PTPRD: variants seen among roughly 807,000 people sequenced by gnomAD.
PTPRD encodes protein tyrosine phosphatase receptor type D.
A neutral mutation model predicts 214.5 loss-of-function variants in PTPRD; 34 were observed. The ratio of observed to expected loss-of-function variants is 0.16; its 90% CI spans 0.12 to 0.21. The LOEUF (loss-of-function observed/expected upper bound fraction) is 0.21. PTPRD is among the 10% of genes least tolerant of loss of function. PTPRD has a pLI of 1.00. For missense variants in PTPRD, 2,545 were observed against 2,398.7 expected, an observed-to-expected ratio of 1.06 and a Z score of -1.27; for synonymous variants, 1,128 against 845.7, an observed-to-expected ratio of 1.33 and a Z score of -5.79.
intron 3 of PTPRD, among the ~76,000 whole-genome samples, chr9:10,109,100 G>C (rs1249605236): frequency 6.6e-6 from 1 of 152,118 alleles, no homozygotes. Flanking sequence ...ATGTGAACAT[G>C]TTGCCATATT....
chr9:9,385,305 T>C (rs1237557507), intron 9 of PTPRD, among the ~76,000 whole-genome samples: 1 of 152,156 alleles, frequency 6.6e-6, no homozygotes, highest in Non-Finnish European at 1.5e-5. Flanking sequence ...TCCTCCAGGA[T>C]ATAGACTATT....
At chr9:9,401,900 A>G (rs902218918) in intron 8 of PTPRD, among the ~76,000 whole-genome samples, 1 of 151,968 alleles carries the variant, frequency 6.6e-6, no homozygotes, top group Non-Finnish European at 1.5e-5. Flanking sequence ...TCCTTCCGCC[A>G]TTATTGTAAG....
intron 11 of PTPRD, among the ~76,000 whole-genome samples, chr9:8,811,791 G>C (rs962856243): frequency 6.6e-6 from 1 of 152,120 alleles, no homozygotes; most frequent in African/African-American, 2.4e-5. Context: ...TACTGAAACT[G>C]GATTTTTCTT....
At chr9:8,517,100 G>A (rs1252825697) in intron 21 of PTPRD, among the ~76,000 whole-genome samples, 4 of 152,098 alleles carry the variant, frequency 2.6e-5, no homozygotes, top group East Asian at 1.9e-4. Flanking sequence ...GCCACTGTGC[G>A]TGGCTCAAGA....
intron 5 of PTPRD, among the ~76,000 whole-genome samples, chr9:9,903,128 G>T (rs115368231): frequency 0.011 from 1,635 of 152,116 alleles, 38 homozygotes; most frequent in African/African-American, 0.037. Flanking sequence ...AAATGTGAAA[G>T]AAACAGCTAA....
In PTPRD at chr9:9,324,693, T is replaced by C. The variant is rs548763768; in HGVS notation, c.-203+72756A>G. ...TTTGCTGTGCAGAAGCTCTTTAGTT[T>C]AATTCGATCCCATTTGTCTATTTTG... On this transcript the variant is annotated intron_variant, in intron 9 of 45. Transcript: ENST00000381196. Among the ~76,000 whole-genome samples, 763 of 152,206 alleles carry C rather than the reference T, an allele frequency of 5.0e-3. 5 individuals are homozygous for C. The highest frequency in any genetic ancestry group is 0.018 in the African/African-American group (728 of 41,534).
intron 2 of PTPRD, among the ~76,000 whole-genome samples, chr9:10,401,129 C>A (rs779006236): frequency 6.6e-6 from 1 of 151,634 alleles, no homozygotes; most frequent in East Asian, 1.9e-4. Flanking sequence ...CTCTACATAC[C>A]AATTTTTAGT....
chr9:8,965,188 G>C (rs1030243518), intron 11 of PTPRD, among the ~76,000 whole-genome samples: 9 of 152,026 alleles, frequency 5.9e-5, no homozygotes, highest in East Asian at 3.9e-4. Flanking sequence ...GACCAGCCTG[G>C]CCAACATGAT....
intron 11 of PTPRD, among the ~76,000 whole-genome samples, chr9:8,782,957 A>T (rs1275921651): frequency 6.6e-6 from 1 of 152,130 alleles, no homozygotes; most frequent in Non-Finnish European, 1.5e-5. Flanking sequence ...CAAATAGGTA[A>T]GCAGTGATGT....
intron 4 of PTPRD, among the ~76,000 whole-genome samples, chr9:9,946,038 C>A (rs2092494113): frequency 2.1e-5 from 1 of 46,962 alleles, no homozygotes; most frequent in Non-Finnish European, 3.2e-5. Context: ...CTTGAGGAAG[C>A]CTTTTGGATC....
At chr9:9,648,336 C>A (rs927887685) in intron 7 of PTPRD, among the ~76,000 whole-genome samples, 4 of 152,040 alleles carry the variant, frequency 2.6e-5, no homozygotes, top group Non-Finnish European at 5.9e-5. Context: ...TCAGGTGGGA[C>A]CAGAATCCAA....
At chr9:10,430,483 C>T (rs182586415) in intron 2 of PTPRD, among the ~76,000 whole-genome samples, 2 of 151,790 alleles carry the variant, frequency 1.3e-5, no homozygotes, top group East Asian at 3.9e-4. Context: ...ATATAAGCTG[C>T]AAATGCCTAT....
chr9:9,365,886 A>T (rs1266588692), intron 9 of PTPRD, among the ~76,000 whole-genome samples: 3 of 151,610 alleles, frequency 2.0e-5, no homozygotes, highest in South Asian at 4.1e-4. Flanking sequence ...GAATATAAAT[A>T]AATTAATTCA....
At chr9:10,229,515 T>G (rs567127370) in intron 3 of PTPRD, among the ~76,000 whole-genome samples, 1 of 152,138 alleles carries the variant, frequency 6.6e-6, no homozygotes, top group South Asian at 2.1e-4. Flanking sequence ...CGGAATACTA[T>G]GCAGCCACAA....
chr9:8,658,916 C>G lies in PTPRD; in HGVS notation c.65-22072G>C, dbSNP rs189084988. ...GATATCTAGACAATTAACTAAAATG[C>G]TAATGAGGCTCCAAAATCCAGCTTT... On this transcript the variant is annotated intron_variant, in intron 12 of 45. Transcript: ENST00000381196. 2.6e-5 allele frequency among the ~76,000 whole-genome samples: 4 copies of G among 152,226 alleles called. No homozygotes were observed. The East Asian group carries it at 7.7e-4, about 29-fold the overall frequency.
chr9:8,663,489 G>C (rs993368812), intron 12 of PTPRD, among the ~76,000 whole-genome samples: 4 of 151,762 alleles, frequency 2.6e-5, no homozygotes, highest in Non-Finnish European at 4.4e-5. Context: ...GTGTATTTTT[G>C]TTGTTGTTAT....
At chr9:8,391,836 C>T (rs898704611) in intron 36 of PTPRD, among the ~76,000 whole-genome samples, 1 of 152,096 alleles carries the variant, frequency 6.6e-6, no homozygotes, top group Non-Finnish European at 1.5e-5. Flanking sequence ...AGGAGATGCA[C>T]AGGAGAATCA....
intron 12 of PTPRD, among the ~76,000 whole-genome samples, chr9:8,709,920 C>G (rs559871473): frequency 6.6e-6 from 1 of 152,146 alleles, no homozygotes; most frequent in Non-Finnish European, 1.5e-5. Context: ...AGCATGTGAT[C>G]TCTGAAGTCA....
At chr9:9,734,915 T>C (rs1277651303) in intron 6 of PTPRD, among the ~76,000 whole-genome samples, 1 of 152,142 alleles carries the variant, frequency 6.6e-6, no homozygotes, top group Admixed American at 6.6e-5. Context: ...TAATAATTAG[T>C]ACATAAATTT....
Sources: allele counts gnomAD v4.1 joint callset (sites outside exome capture counted in the v4.1 genomes callset), GRCh38; gene constraint gnomAD v4.1.1; transcripts MANE v1.5; gene names NCBI Gene and HGNC (gene_info 2026-07-23, HGNC 2026-07-21).